The following LGSN variants were observed in gnomAD, a reference collection of about 807,000 sequenced individuals.
LGSN encodes the protein lengsin, lens protein with glutamine synthetase domain, also known as lengsin.
Under a neutral mutation model 19.5 loss-of-function variants are expected in LGSN, and 21 were observed. The observed-to-expected ratio is 1.07, with a 90% confidence interval of 0.76 to 1.55. The LOEUF (loss-of-function observed/expected upper bound fraction) is 1.55. LGSN is among the 40% of genes most tolerant of loss of function. The pLI is 0.00. For synonymous variants in LGSN, 257 were observed against 215.6 expected (o/e 1.19, Z -1.68); for missense variants, 673 against 608.5 (o/e 1.11, Z -1.12).
chr6:63,414,310 A>G, the LGSN span, among the ~76,000 whole-genome samples: 1 of 152,190 alleles, frequency 6.6e-6, no homozygotes, highest in Non-Finnish European at 1.5e-5. Flanking sequence ...TGTCACATAC[A>G]TCTGTAAAAT....
chr6:63,444,871 G>T, the LGSN span, among the ~76,000 whole-genome samples: 2 of 152,138 alleles, frequency 1.3e-5, no homozygotes, highest in Admixed American at 6.5e-5. Flanking sequence ...CTGTGCTTGA[G>T]TCCAATTCCC....
the LGSN span, among the ~76,000 whole-genome samples, chr6:63,497,271 G>A: frequency 2.0e-5 from 3 of 152,034 alleles, no homozygotes; most frequent in Non-Finnish European, 2.9e-5. Flanking sequence ...TATTAGGGCT[G>A]AGTGCAGTAG....
At chr6:63,450,077 T>C in the LGSN span, among the ~76,000 whole-genome samples, 1 of 151,262 alleles carries the variant, frequency 6.6e-6, no homozygotes, top group Non-Finnish European at 1.5e-5. Flanking sequence ...CCAGGCATGG[T>C]GGCTCACGCC....
At chr6:63,509,942 A>G in the LGSN span, among the ~76,000 whole-genome samples, 1 of 152,236 alleles carries the variant, frequency 6.6e-6, no homozygotes, top group Admixed American at 6.5e-5. Context: ...TCTTTAGGGA[A>G]AGTTTCACTA....
At chr6:63,364,344 A>C in the LGSN span, among the ~76,000 whole-genome samples, 6 of 152,232 alleles carry the variant, frequency 3.9e-5, no homozygotes, top group Admixed American at 1.3e-4. Flanking sequence ...AAAGGAGGCC[A>C]TTACATAATG....
chr6:63,450,449 G>C, the LGSN span, among the ~76,000 whole-genome samples: 4 of 151,524 alleles, frequency 2.6e-5, no homozygotes, highest in African/African-American at 7.3e-5. Context: ...AGGAGTCTGA[G>C]TCAGGAGAAT....
chr6:63,548,934 C>T, the LGSN span: 32 of 882,616 alleles, frequency 3.6e-5, no homozygotes, highest in South Asian at 1.6e-4. Context: ...GTGGACTAGA[C>T]GTCCCAGTCT....
the LGSN span, among the ~76,000 whole-genome samples, chr6:63,554,067 T>C: frequency 6.6e-6 from 1 of 152,232 alleles, no homozygotes; most frequent in African/African-American, 2.4e-5. Flanking sequence ...AATTCAGTGC[T>C]GTAATTTAAA....
At chr6:63,432,897 A>G in the LGSN span, among the ~76,000 whole-genome samples, 3 of 152,168 alleles carry the variant, frequency 2.0e-5, no homozygotes, top group Non-Finnish European at 2.9e-5. Flanking sequence ...TTGTAAACCT[A>G]AAGACATTTG....
chr6:63,305,866 G>C (rs1044210418), intron 1 of LGSN, among the ~76,000 whole-genome samples: 1 of 152,018 alleles, frequency 6.6e-6, no homozygotes, highest in African/African-American at 2.4e-5. Flanking sequence ...TTCAAGACCA[G>C]CCTGGGCAAC....
chr6:63,532,301 T>A, the LGSN span, among the ~76,000 whole-genome samples: 24 of 152,306 alleles, frequency 1.6e-4, no homozygotes, highest in African/African-American at 5.8e-4. Context: ...TTTTGGTAAA[T>A]CTCTATTAAG....
the LGSN span, among the ~76,000 whole-genome samples, chr6:63,330,136 T>C: frequency 6.6e-6 from 1 of 152,220 alleles, no homozygotes; most frequent in East Asian, 1.9e-4. Context: ...GCAGTGCACC[T>C]TCCAGTGATT....
chr6:63,373,547 A>G, the LGSN span, among the ~76,000 whole-genome samples: 20 of 152,354 alleles, frequency 1.3e-4, no homozygotes, highest in African/African-American at 3.8e-4. Context: ...ACTGGCCTGT[A>G]ATCTTAAGAA....
chr6:63,411,144 T>G, the LGSN span, among the ~76,000 whole-genome samples: 1 of 152,146 alleles, frequency 6.6e-6, no homozygotes, highest in Non-Finnish European at 1.5e-5. Flanking sequence ...TGACTAGAAA[T>G]TTTGCCAGCT....
chr6:63,361,602 C>T, the LGSN span, among the ~76,000 whole-genome samples: 1 of 152,202 alleles, frequency 6.6e-6, no homozygotes, highest in African/African-American at 2.4e-5. Flanking sequence ...CCTTGAGCTT[C>T]CTGGGTGAGG....
At chr6:63,286,833 A>G (rs551445560) in intron 2 of LGSN, among the ~76,000 whole-genome samples, 60 of 152,338 alleles carry the variant, frequency 3.9e-4, no homozygotes, top group African/African-American at 1.3e-3. Context: ...TTTCTCATCA[A>G]TAACATATGA....
chr6:63,531,432 A>C, the LGSN span, among the ~76,000 whole-genome samples: 1 of 152,152 alleles, frequency 6.6e-6, no homozygotes, highest in South Asian at 2.1e-4. Context: ...TTTTTAATGC[A>C]AAATGCCTAC....
the LGSN span, among the ~76,000 whole-genome samples, chr6:63,545,482 A>G: frequency 6.6e-6 from 1 of 152,068 alleles, no homozygotes; most frequent in Non-Finnish European, 1.5e-5. Context: ...GTGGTGGCAC[A>G]TGCCTGTAAT....
the LGSN span, chr6:63,549,476 CT>C: frequency 1.3e-6 from 1 of 787,480 alleles, no homozygotes; most frequent in Non-Finnish European, 2.2e-6. Context: ...CCGGAGCCAC[CT>C]TCTTTCCCTT....
Sources: gnomAD v4.1 joint callset for allele counts (sites outside exome capture counted in the v4.1 genomes callset) on GRCh38, gnomAD v4.1.1 for gene constraint, MANE v1.5 for transcripts, NCBI Gene and HGNC (gene_info 2026-07-23, HGNC 2026-07-21) for gene names.